Variants in PHLDB2 observed in about 807,000 individuals in gnomAD.
The protein encoded by PHLDB2 is pleckstrin homology like domain family B member 2.
PHLDB2 carries 71 observed loss-of-function variants against 123.6 expected under a neutral mutation model. That is an observed-to-expected ratio of 0.57 (90% CI 0.47 to 0.70). The LOEUF is 0.70. Ranked by LOEUF, PHLDB2 falls within the 30% of genes least tolerant of loss-of-function variation. The pLI is 0.00. For synonymous variants in PHLDB2, 547 were observed against 541.6 expected, an observed-to-expected ratio of 1.01 and a Z score of -0.14; for missense variants, 1,446 against 1,519.5, an observed-to-expected ratio of 0.95 and a Z score of 0.80.
intron 1 of PHLDB2, among the ~76,000 whole-genome samples, chr3:111,786,656 C>G (rs1402013050): frequency 1.3e-5 from 2 of 152,072 alleles, no homozygotes; most frequent in South Asian, 2.1e-4. Context: ...GATTGGCAGA[C>G]AAGCCCAGGC....
intron 1 of PHLDB2, among the ~76,000 whole-genome samples, chr3:111,827,648 G>A (rs2062726850): frequency 7.1e-6 from 1 of 140,676 alleles, no homozygotes; most frequent in African/African-American, 2.7e-5. Flanking sequence ...GCCATTGCAC[G>A]CCGGCCTGAG....
chr3:111,789,553 C>T (rs1321791819), intron 1 of PHLDB2, among the ~76,000 whole-genome samples: 1 of 152,170 alleles, frequency 6.6e-6, no homozygotes, highest in Non-Finnish European at 1.5e-5. Flanking sequence ...ATTTTGGATT[C>T]AAATGGTTCT....
intron 1 of PHLDB2, among the ~76,000 whole-genome samples, chr3:111,834,830 C>T (rs557007386): frequency 6.6e-6 from 1 of 152,130 alleles, no homozygotes; most frequent in Admixed American, 6.5e-5. Flanking sequence ...GACCTGATAT[C>T]CCCTTGGCTA....
At chr3:111,818,579 C>T (rs868821519) in intron 1 of PHLDB2, among the ~76,000 whole-genome samples, 1 of 152,268 alleles carries the variant, frequency 6.6e-6, no homozygotes. Flanking sequence ...TTCCACAATG[C>T]CATACACTGT....
intron 1 of PHLDB2, among the ~76,000 whole-genome samples, chr3:111,860,579 G>A (rs907251918): frequency 2.6e-5 from 4 of 152,218 alleles, no homozygotes; most frequent in African/African-American, 9.6e-5. Context: ...TTAAAAGGCT[G>A]ACAGGCTGTC....
At chr3:111,898,870 T>C (rs2067031175) in intron 2 of PHLDB2, among the ~76,000 whole-genome samples, 1 of 152,242 alleles carries the variant, frequency 6.6e-6, no homozygotes, top group African/African-American at 2.4e-5. Flanking sequence ...CTATCACATC[T>C]GCAGTTACTT....
At chr3:111,864,942 A>G (rs1411749023) in intron 1 of PHLDB2, among the ~76,000 whole-genome samples, 2 of 152,234 alleles carry the variant, frequency 1.3e-5, no homozygotes, top group East Asian at 3.8e-4. Flanking sequence ...ACTGCCCTAG[A>G]TGGCAGTATG....
intron 1 of PHLDB2, among the ~76,000 whole-genome samples, chr3:111,807,356 G>A (rs1313495081): frequency 1.3e-5 from 2 of 152,058 alleles, no homozygotes; most frequent in Non-Finnish European, 2.9e-5. Context: ...ACATAAAGAG[G>A]GAAAGTCATA....
intron 1 of PHLDB2, among the ~76,000 whole-genome samples, chr3:111,762,633 T>G (rs1186171570): frequency 6.6e-6 from 1 of 152,206 alleles, no homozygotes; most frequent in African/African-American, 2.4e-5. Context: ...GGAGGTATTA[T>G]TTCTTCAAGC....
intron 1 of PHLDB2, among the ~76,000 whole-genome samples, chr3:111,871,352 A>G (rs2065327685): frequency 6.6e-6 from 1 of 152,232 alleles, no homozygotes; most frequent in Admixed American, 6.5e-5. Flanking sequence ...TTTGCTTTTA[A>G]AACTTTGTTC....
rs546014587 is a variant in PHLDB2 at position 111,884,586 on chromosome 3, G to T, written c.509G>T (p.Arg170Leu). 1 of 1,614,130 alleles carries T rather than the reference G, an allele frequency of 6.2e-7. No individual in the cohort carries two copies. Among genetic ancestry groups the T allele is most frequent in the South Asian group, 1.1e-5 (1 of 91,082 alleles). Residue 170 changes from arginine to leucine, a missense_variant, in exon 2 of 18, where the codon CGG (arginine) becomes CTG (leucine). This residue lies in a region of PHLDB2 where 832 missense variants were observed against 831.9 expected (regional missense o/e 1.00). Coordinates refer to ENST00000431670, the MANE Select transcript of PHLDB2 (RefSeq NM_001134438.2). Reference sequence around the variant, plus strand: ...TACTCTCTTGGAGGGCTGGAAGGTCGGAAGGCATCTGGCTCGCTCCTGGCC... The same window carrying T: ...TACTCTCTTGGAGGGCTGGAAGGTCTGAAGGCATCTGGCTCGCTCCTGGCC... ...NVYSLGGLEG[R>L]KASGSLLAMW...
chr3:111,816,407 C>A (rs1226941513), intron 1 of PHLDB2, among the ~76,000 whole-genome samples: 2 of 152,202 alleles, frequency 1.3e-5, no homozygotes, highest in Non-Finnish European at 2.9e-5. Flanking sequence ...CTTCCCAAGA[C>A]TATGGGAACC....
At position 111,737,261 on chromosome 3, in the gene PHLDB2, T is replaced by C. The variant is rs1243993444; in HGVS notation, c.-49+4558T>C. Among the ~76,000 whole-genome samples, 4 of 152,236 alleles carry C rather than the reference T, an allele frequency of 2.6e-5. No individual in the cohort carries two copies. In the East Asian group the frequency reaches 7.7e-4, roughly 29 times the overall value. Reference sequence around the variant, plus strand: ...CTAATGTTTCACTGGGAATTGCCCCTGGCTGGCTGCCTGAGTCTCCATCCC... The same window carrying C: ...CTAATGTTTCACTGGGAATTGCCCCCGGCTGGCTGCCTGAGTCTCCATCCC... On this transcript the variant is annotated intron_variant, in intron 1 of 17. Coordinates refer to the PHLDB2 transcript ENST00000393923.
chr3:111,780,291 A>G (rs866230836), intron 1 of PHLDB2, among the ~76,000 whole-genome samples: 35 of 2,332 alleles, frequency 0.015, no homozygotes, highest in Non-Finnish European at 0.034. Flanking sequence ...AAGAAGAAGA[A>G]GAAGAGGAAG....
chr3:111,930,046 G>T (rs1388792174), intron 5 of PHLDB2, among the ~76,000 whole-genome samples: 1 of 151,368 alleles, frequency 6.6e-6, no homozygotes, highest in African/African-American at 2.4e-5. Context: ...CGAGTAGCTG[G>T]GACTACAGAC....
chr3:111,831,036 AGG>A (rs1559855420), intron 1 of PHLDB2, among the ~76,000 whole-genome samples: 1 of 75,928 alleles, frequency 1.3e-5, no homozygotes, highest in Admixed American at 1.2e-4. Flanking sequence ...AAAGAAAGGA[AGG>A]AAGGAAGAAA....
chr3:111,823,640 A>G (rs1408257400), intron 1 of PHLDB2, among the ~76,000 whole-genome samples: 2 of 152,236 alleles, frequency 1.3e-5, no homozygotes, highest in Non-Finnish European at 2.9e-5. Flanking sequence ...TCACATCTAC[A>G]TATAGATAAA....
intron 5 of PHLDB2, among the ~76,000 whole-genome samples, chr3:111,929,769 A>G (rs1028888489): frequency 2.0e-5 from 3 of 152,152 alleles, no homozygotes; most frequent in Non-Finnish European, 4.4e-5. Flanking sequence ...GGACCCAGGT[A>G]GTGGTCACAG....
At position 111,749,803 on chromosome 3, in the gene PHLDB2, C is replaced by T. The variant is rs562555134; in HGVS notation, c.-49+17100C>T. On this transcript the variant is annotated intron_variant, in intron 1 of 17. Coordinates refer to the PHLDB2 transcript ENST00000393923. ...TCCTTTAAAGAACTGTTCTACGACA[C>T]TGAAACAGTCTAATTAAACCATTAA... Among the ~76,000 whole-genome samples, 11 of 152,262 alleles carry T rather than the reference C, an allele frequency of 7.2e-5. No homozygotes were observed. The South Asian group carries it at 2.1e-3, about 29-fold the overall frequency.
Sources: gnomAD v4.1 joint callset for allele counts (sites outside exome capture counted in the v4.1 genomes callset) on GRCh38, gnomAD v4.1.1 for gene constraint, gnomAD v4.1.1 regional missense constraint, MANE v1.5 for transcripts, NCBI Gene and HGNC (gene_info 2026-07-23, HGNC 2026-07-21) for gene names.